Variants in PAX8 observed in about 807,000 individuals in gnomAD.
The protein encoded by PAX8 is paired box 8, also known as paired box protein Pax-8.
In PAX8, 15 loss-of-function variants were observed where a neutral mutation model predicts 52.4. That is an observed-to-expected ratio of 0.29 (90% CI 0.19 to 0.44). The LOEUF (loss-of-function observed/expected upper bound fraction) is 0.44, where lower values mean the gene tolerates loss of function less well. Ranked by LOEUF, PAX8 falls within the 20% of genes least tolerant of loss-of-function variation. The pLI is 1.00. For missense variants in PAX8, 554 were observed against 602.5 expected (o/e 0.92, Z 0.84); for synonymous variants, 284 against 249.7 (o/e 1.14, Z -1.29).
chr2:113,249,008 G>A (rs1362922202), intron 2 of PAX8, among the ~76,000 whole-genome samples: 1 of 152,158 alleles, frequency 6.6e-6, no homozygotes, highest in Non-Finnish European at 1.5e-5. Context: ...CTAAGCCTCT[G>A]CCCTGGGCAG....
intron 2 of PAX8, chr2:113,270,667 A>G (rs1693406473): frequency 1.3e-5 from 2 of 152,240 alleles, no homozygotes; most frequent in African/African-American, 4.8e-5. Context: ...CACCGATGAC[A>G]GCAGATTAAG....
intron 2 of PAX8, among the ~76,000 whole-genome samples, chr2:113,277,921 G>A (rs1693939937): frequency 6.6e-6 from 1 of 152,074 alleles, no homozygotes; most frequent in Non-Finnish European, 1.5e-5. Flanking sequence ...GAGATGCGGG[G>A]AGCTCACAGT....
intron 7 of PAX8, chr2:113,238,156 G>A (rs1690527101): frequency 6.8e-6 from 1 of 146,938 alleles, no homozygotes; most frequent in African/African-American, 2.5e-5. Flanking sequence ...TGCAACCTCT[G>A]CTTCCTGGGT....
intron 2 of PAX8, chr2:113,255,260 A>G (rs1383339426): frequency 8.8e-5 from 1 of 11,360 alleles, no homozygotes. Context: ...GGGAGGGAGG[A>G]GGGAGGGGAG....
At chr2:113,232,255 C>G (rs985475110) in intron 9 of PAX8, among the ~76,000 whole-genome samples, 4 of 152,242 alleles carry the variant, frequency 2.6e-5, no homozygotes, top group Non-Finnish European at 5.9e-5. Flanking sequence ...AGCATGGACA[C>G]CAGCCATCCC....
rs756549489 is a variant in PAX8, at chr2:113,218,502, T to A, written c.*31A>T. 144 of 1,400,994 alleles carry A rather than the reference T, an allele frequency of 1.0e-4. No individual in the cohort carries two copies. The highest frequency in any genetic ancestry group is 5.9e-5 in the Non-Finnish European group (61 of 1,026,078). The allele number at this position is 1,400,994 out of a possible 1,614,324, so 86.8% of individuals were successfully genotyped here. ...CCTGTCCCAGGCTGAGTCCTCCTGT[T>A]GCTCAGTCGCTCCCACTGTCCCCAT... On this transcript the variant is annotated 3_prime_UTR_variant, in exon 12 of 12. Transcript: ENST00000429538.
At chr2:113,231,170 G>A (rs551685490) in intron 9 of PAX8, among the ~76,000 whole-genome samples, 1 of 152,304 alleles carries the variant, frequency 6.6e-6, no homozygotes, top group East Asian at 1.9e-4. Context: ...AGAATTTATG[G>A]CAACTCAGAA....
chr2:113,235,319 G>C (rs989337337), intron 9 of PAX8, 75 bp downstream of exon 9: 19 of 1,266,670 alleles, frequency 1.5e-5, no homozygotes, highest in Admixed American at 1.4e-4. Context: ...CAGAGAGGGG[G>C]CTGGCGGTCT....
chr2:113,241,396 TAAAG>T, intron 7 of PAX8, 151 bp downstream of exon 7: 4 of 760,772 alleles, frequency 5.3e-6, no homozygotes, highest in Non-Finnish European at 9.1e-6. Context: ...TCTGGTAAAA[TAAAG>T]CATGTGTCAG....
chr2:113,228,315 C>T (rs1192422315), intron 9 of PAX8, among the ~76,000 whole-genome samples: 1 of 152,210 alleles, frequency 6.6e-6, no homozygotes, highest in Non-Finnish European at 1.5e-5. Flanking sequence ...AGGTGATGAC[C>T]AGTATCCCAG....
At chr2:113,223,462 T>C (rs1025236420) in intron 10 of PAX8, among the ~76,000 whole-genome samples, 2 of 152,240 alleles carry the variant, frequency 1.3e-5, no homozygotes, top group Non-Finnish European at 2.9e-5. Flanking sequence ...CTCTTGACTA[T>C]GTACAATTCA....
chr2:113,236,662 G>A lies in PAX8; in HGVS notation c.837C>T (p.Thr279=). The A allele has an allele frequency of 1.3e-6, 2 of 1,594,826 alleles. No homozygotes were observed. Among genetic ancestry groups the A allele is most frequent in the East Asian group, 2.3e-5 (1 of 44,008 alleles). ...TGCGCCCCAGTGGCGTGTTGGAAGG[G>A]GTCAGGGTGGCCTTCCCGTCGTCCA... ...STLDDGKATL[T]PSNTPLGRNL... Residue 279 remains threonine, a synonymous_variant, in exon 8 of 12, where the codon ACC becomes ACT. Transcript: ENST00000429538.
intron 10 of PAX8, chr2:113,225,833 G>A (rs761516529): frequency 9.3e-6 from 8 of 860,612 alleles, no homozygotes; most frequent in Admixed American, 6.2e-5. Flanking sequence ...GGGGGGAACC[G>A]ACTGGAGACT....
chr2:113,254,193 T>C (rs1037038770), intron 2 of PAX8, among the ~76,000 whole-genome samples: 20 of 152,370 alleles, frequency 1.3e-4, no homozygotes, highest in African/African-American at 4.3e-4. Flanking sequence ...CATTTATCCA[T>C]TCTACATGTA....
At chr2:113,226,793 C>T in intron 10 of PAX8, 2 of 1,212,698 alleles carry the variant, frequency 1.6e-6, no homozygotes, top group Non-Finnish European at 2.1e-6. Flanking sequence ...GTTCATCTTC[C>T]ACTCACAGTG....
Position 113,278,428 on chromosome 2 carries a change from CG to C in PAX8, c.-35del, listed in dbSNP as rs1461304757. 1 of 1,610,176 alleles carries C rather than the reference CG, an allele frequency of 6.2e-7. No individual in the cohort carries two copies. The highest frequency in any genetic ancestry group is 8.5e-7 in the Non-Finnish European group (1 of 1,178,796). ...AGTCGCTCGCAGCCCGCCGAGGGCT[CG>C]GGGCTTCCTCCCGTAGGTCCGGGCC... On this transcript the variant is annotated 5_prime_UTR_variant, in exon 2 of 12. Transcript: ENST00000429538.
chr2:113,229,067 G>T (rs895683572), intron 9 of PAX8, among the ~76,000 whole-genome samples: 1 of 152,184 alleles, frequency 6.6e-6, no homozygotes, highest in Non-Finnish European at 1.5e-5. Flanking sequence ...ACTAAATCAA[G>T]AAGGGACATA....
rs1692483268 is a variant in PAX8 at position 113,259,203 on chromosome 2, C to T, written c.26-12284G>A. 1.3e-5 allele frequency: 2 copies of T among 152,648 alleles called. 1 individual carries two copies. The highest frequency in any genetic ancestry group is 4.1e-4 in the South Asian group (2 of 4,832). The allele number at this position is 152,648 out of a possible 1,614,324, so 9.5% of individuals were successfully genotyped here. The stretch of plus-strand genomic sequence containing the variant: ...AAAGTAACAGCAGATGAGCCACTTT[C>T]TCCCTCTGAGATTGGGCACCATTTC... On this transcript the variant is annotated intron_variant, in intron 2 of 11. Transcript: ENST00000429538.
intron 2 of PAX8, among the ~76,000 whole-genome samples, chr2:113,257,488 G>A (rs1692346761): frequency 6.6e-6 from 1 of 151,960 alleles, no homozygotes; most frequent in Non-Finnish European, 1.5e-5. Context: ...TGTGATATTT[G>A]GCTTCCTTAG....
Sources: gnomAD v4.1 joint callset for allele counts (sites outside exome capture counted in the v4.1 genomes callset) on GRCh38, gnomAD v4.1.1 for gene constraint, MANE v1.5 for transcripts, NCBI Gene and HGNC (gene_info 2026-07-23, HGNC 2026-07-21) for gene names.